The following RALYL variants were observed in gnomAD, a reference collection of about 807,000 sequenced individuals.
RALYL encodes RALY RNA binding protein like.
RALYL carries 29 observed loss-of-function variants against 35.1 expected under a neutral mutation model. The ratio of observed to expected loss-of-function variants is 0.83; its 90% confidence interval spans 0.61 to 1.13. The LOEUF (loss-of-function observed/expected upper bound fraction) is 1.13, where lower values mean the gene tolerates loss of function less well. Among genes scored for constraint, RALYL ranks in the 50% most tolerant of loss-of-function variants. The pLI is 0.00. For missense variants in RALYL, 359 were observed against 360.4 expected, an observed-to-expected ratio of 1.00 and a Z score of 0.03; for synonymous variants, 120 against 127.6, an observed-to-expected ratio of 0.94 and a Z score of 0.40.
rs1262735603 is a variant in RALYL at position 84,792,101 on chromosome 8, G to A, written c.333-12669G>A. Among the ~76,000 whole-genome samples, 7 of 152,258 alleles carry A rather than the reference G, an allele frequency of 4.6e-5. No individual in the cohort carries two copies. In the East Asian group the frequency reaches 1.3e-3, roughly 29 times the overall value. ...AGACTCCCAAAGCCCAAGTGGACAT[G>A]TGTTACAGTGCACTCCTTTAGCCTT... On this transcript the variant is annotated intron_variant, in intron 3 of 8. Transcript: ENST00000521268.
At chr8:84,525,966 T>C (rs1390085856) in intron 1 of RALYL, among the ~76,000 whole-genome samples, 4 of 146,014 alleles carry the variant, frequency 2.7e-5, no homozygotes, top group South Asian at 2.2e-4. Flanking sequence ...TTTTTTTTTT[T>C]TTTTTTTTTG....
intron 1 of RALYL, among the ~76,000 whole-genome samples, chr8:84,406,138 T>G (rs2043470421): frequency 6.6e-6 from 1 of 152,038 alleles, no homozygotes; most frequent in Non-Finnish European, 1.5e-5. Context: ...TAGTATTTTA[T>G]TTAAGTAAGG....
At chr8:84,312,716 C>A (rs975258439) in intron 1 of RALYL, among the ~76,000 whole-genome samples, 2 of 152,226 alleles carry the variant, frequency 1.3e-5, no homozygotes, top group Admixed American at 1.3e-4. Flanking sequence ...GCAGGTCTGC[C>A]CCTGTGGCTC....
At chr8:84,199,010 C>A (rs542850977) in intron 1 of RALYL, among the ~76,000 whole-genome samples, 2 of 152,078 alleles carry the variant, frequency 1.3e-5, no homozygotes, top group Non-Finnish European at 2.9e-5. Flanking sequence ...GTATATACTC[C>A]AGAGTGGGAT....
chr8:84,861,769 G>T (rs2135048969), intron 5 of RALYL, among the ~76,000 whole-genome samples: 1 of 152,296 alleles, frequency 6.6e-6, no homozygotes, highest in Middle Eastern at 3.4e-3. Flanking sequence ...ATATTGATTT[G>T]TCTGTCATAG....
At chr8:84,695,235 A>G (rs1838892491) in intron 2 of RALYL, among the ~76,000 whole-genome samples, 1 of 151,656 alleles carries the variant, frequency 6.6e-6, no homozygotes. Flanking sequence ...GCTGTCACTA[A>G]CCTGTTCATG....
intron 2 of RALYL, among the ~76,000 whole-genome samples, chr8:84,677,766 C>T (rs535094076): frequency 1.5e-4 from 23 of 152,236 alleles, no homozygotes; most frequent in African/African-American, 5.3e-4. Flanking sequence ...TATGGCTAAC[C>T]CAGCTCCCAC....
chr8:84,364,854 T>A (rs1362798770), intron 1 of RALYL, among the ~76,000 whole-genome samples: 1 of 152,158 alleles, frequency 6.6e-6, no homozygotes, highest in Non-Finnish European at 1.5e-5. Context: ...TTGAACACAT[T>A]TTAAGAGAAA....
At chr8:84,785,229 G>A (rs1264482133) in intron 3 of RALYL, among the ~76,000 whole-genome samples, 2 of 152,040 alleles carry the variant, frequency 1.3e-5, no homozygotes, top group Non-Finnish European at 2.9e-5. Flanking sequence ...TTTAATATTT[G>A]TTTGACATTA....
At chr8:84,715,446 A>G (rs887073823) in intron 2 of RALYL, among the ~76,000 whole-genome samples, 3 of 152,016 alleles carry the variant, frequency 2.0e-5, no homozygotes, top group African/African-American at 7.2e-5. Flanking sequence ...GCAACCTTAT[A>G]TATCTCCTAA....
chr8:84,208,477 T>G (rs1201674591), intron 1 of RALYL, among the ~76,000 whole-genome samples: 1 of 152,142 alleles, frequency 6.6e-6, no homozygotes, highest in Non-Finnish European at 1.5e-5. Context: ...ATAGCCCTAC[T>G]GTTAGGTCTG....
At chr8:84,827,564 T>C (rs1829981615) in intron 4 of RALYL, among the ~76,000 whole-genome samples, 1 of 152,042 alleles carries the variant, frequency 6.6e-6, no homozygotes, top group Non-Finnish European at 1.5e-5. Context: ...CTTCAACTTT[T>C]AAAATAATTA....
intron 2 of RALYL, among the ~76,000 whole-genome samples, chr8:84,704,454 C>CAG (rs1389159577): frequency 2.2e-5 from 3 of 134,792 alleles, no homozygotes; most frequent in Non-Finnish European, 4.7e-5. Flanking sequence ...CAGACACACA[C>CAG]ACACACACAC....
intron 1 of RALYL, among the ~76,000 whole-genome samples, chr8:84,289,631 G>A (rs754544584): frequency 6.6e-6 from 1 of 152,018 alleles, no homozygotes; most frequent in Non-Finnish European, 1.5e-5. Context: ...ACTCTTTCCA[G>A]ATTTTATGTT....
chr8:84,370,022 A>G (rs922619364), intron 1 of RALYL, among the ~76,000 whole-genome samples: 1 of 151,938 alleles, frequency 6.6e-6, no homozygotes, highest in African/African-American at 2.4e-5. Context: ...AATTCCATCA[A>G]TTTCAAATGT....
intron 1 of RALYL, among the ~76,000 whole-genome samples, chr8:84,331,547 C>T (rs1846825936): frequency 6.6e-6 from 1 of 152,090 alleles, no homozygotes; most frequent in Admixed American, 6.6e-5. Flanking sequence ...GTTAGTATTT[C>T]ATTATGCATC....
chr8:84,457,158 T>C (rs1199716862), intron 1 of RALYL, among the ~76,000 whole-genome samples: 3 of 152,054 alleles, frequency 2.0e-5, no homozygotes, highest in Non-Finnish European at 4.4e-5. Flanking sequence ...ATAAATGGAA[T>C]GCAGGGTTTG....
intron 2 of RALYL, among the ~76,000 whole-genome samples, chr8:84,646,411 G>GA (rs1174345677): frequency 2.0e-5 from 3 of 151,784 alleles, no homozygotes; most frequent in Non-Finnish European, 4.4e-5. Context: ...AGCATACTTT[G>GA]AAAAAATTTC....
At chr8:84,354,027 T>A (rs1439619159) in intron 1 of RALYL, among the ~76,000 whole-genome samples, 1 of 149,336 alleles carries the variant, frequency 6.7e-6, no homozygotes, top group African/African-American at 2.5e-5. Flanking sequence ...TGTGTCTTTA[T>A]TTGCATGCCT....
Sources: allele counts gnomAD v4.1 joint callset (sites outside exome capture counted in the v4.1 genomes callset), GRCh38; gene constraint gnomAD v4.1.1; transcripts MANE v1.5; gene names NCBI Gene and HGNC (gene_info 2026-07-23, HGNC 2026-07-21).